The following PLG variants were observed in gnomAD, a reference collection of about 807,000 sequenced individuals.
PLG encodes the protein plasminogen, also known as plasmin.
A neutral mutation model predicts 104.4 loss-of-function variants in PLG; 41 were observed. The observed-to-expected ratio is 0.39, with a 90% CI of 0.31 to 0.51. The LOEUF is 0.51. Among genes scored for constraint, PLG ranks in the 20% least tolerant of loss-of-function variants. The pLI, the probability that PLG is intolerant of heterozygous loss-of-function variation, is 0.76. For missense variants in PLG, 891 were observed against 1,003.6 expected, an observed-to-expected ratio of 0.89 and a Z score of 1.52; for synonymous variants, 337 against 357.1, an observed-to-expected ratio of 0.94 and a Z score of 0.63.
At chr6:160,721,169 A>G (rs1347162257) in intron 9 of PLG, among the ~76,000 whole-genome samples, 1 of 152,138 alleles carries the variant, frequency 6.6e-6, no homozygotes, top group Admixed American at 6.5e-5. Context: ...GTATCACACA[A>G]TCCCAATCTG....
At chr6:160,748,161 C>T (rs1460083095) in intron 17 of PLG, among the ~76,000 whole-genome samples, 4 of 151,076 alleles carry the variant, frequency 2.6e-5, no homozygotes, top group South Asian at 4.2e-4. Context: ...AAAAATTAGC[C>T]GGGTGTGGTA....
At position 160,731,980 on chromosome 6, in the gene PLG, T is replaced by C; in HGVS notation, c.1587+87T>C. On this transcript the variant is annotated intron_variant, in intron 12 of 18. Transcript: ENST00000308192. The surrounding 1 kb of genome is among the most constrained non-coding windows in gnomAD (Gnocchi z 5.1). Reference sequence around the variant, plus strand: ...GTTCTGTGTTACAGAAAATCTGACCTGGACTGCTCTTTTTTGTAATGGGGG... The same window carrying C: ...GTTCTGTGTTACAGAAAATCTGACCCGGACTGCTCTTTTTTGTAATGGGGG... 1 of 1,364,068 alleles carries C rather than the reference T, an allele frequency of 7.3e-7. No individual in the cohort carries two copies. Among genetic ancestry groups the C allele is most frequent in the South Asian group, 1.2e-5 (1 of 85,888 alleles). The allele number at this position is 1,364,068 out of a possible 1,614,324, so 84.5% of individuals were successfully genotyped here.
chr6:160,752,168 A>G lies in PLG; in HGVS notation c.2179A>G (p.Lys727Glu), dbSNP rs759147567. ...AGCCCAGCTCCCTGTGATTGAGAAT[A>G]AAGTGTGCAATCGCTATGAGTTTCT... The part of the protein sequence containing the change: ...KEAQLPVIEN[K>E]VCNRYEFLNG... Residue 727 changes from lysine (K) to glutamate (E), a missense_variant, in exon 18 of 19, where the codon AAA becomes GAA. Physicochemically the swap from Lys to Glu is moderately conservative, Grantham distance 56. Around this residue, in one of 2 missense-constraint regions of PLG, gnomAD observed 854 missense variants for 932.1 expected, o/e 0.92. Transcript: ENST00000308192. This position sits in a 1 kb window ranked among gnomAD's most constrained non-coding sequence, Gnocchi z 4.7. The G allele has an allele frequency of 4.3e-6, 7 of 1,611,034 alleles. No homozygotes were observed. The highest frequency in any genetic ancestry group is 1.3e-5 in the African/African-American group (1 of 74,878).
In PLG at chr6:160,739,855, ATATTAT is replaced by A. The variant is rs1181291748; in HGVS notation, c.2018+655_2018+660del. Among the ~76,000 whole-genome samples the A allele has an allele frequency of 9.2e-5, 14 of 151,692 alleles. No individual in the cohort carries two copies. The highest frequency in any genetic ancestry group is 3.4e-4 in the African/African-American group (14 of 41,326). ...CAAATACAGTTTATAAATGTAAATT[ATATTAT>A]TATTATTGTCTTCTTTGATTTGATT... On this transcript the variant is annotated intron_variant, in intron 16 of 18. Coordinates refer to ENST00000308192, the MANE Select transcript of PLG (RefSeq NM_000301.5). The surrounding 1 kb of genome is among the most constrained non-coding windows in gnomAD (Gnocchi z 4.4).
intron 4 of PLG, among the ~76,000 whole-genome samples, chr6:160,712,470 A>AGTTTT (rs1226546997): frequency 6.6e-6 from 1 of 152,148 alleles, no homozygotes; most frequent in Non-Finnish European, 1.5e-5. Flanking sequence ...CACTTAGGCA[A>AGTTTT]GTTTTGTTTT....
At chr6:160,722,612 A>G (rs754728286) in intron 10 of PLG, 45 bp downstream of exon 10, 33 of 1,573,116 alleles carry the variant, frequency 2.1e-5, no homozygotes, top group Non-Finnish European at 2.9e-5. Flanking sequence ...AGCCAACTGA[A>G]ATTTCTGTTA....
rs4252168 is a variant in PLG, at chr6:160,741,038, G to C, written c.2019-273G>C. Among the ~76,000 whole-genome samples, 1 of 152,140 alleles carries C rather than the reference G, an allele frequency of 6.6e-6. No individual in the cohort carries two copies. Among genetic ancestry groups the C allele is most frequent in the African/African-American group, 2.4e-5 (1 of 41,424 alleles). ...TGCACAGAATATACATGAGAAGTGC[G>C]CCTTTGTCATCCCTACTTTCAAAGG... is the stretch of plus-strand genomic sequence containing the variant. On this transcript the variant is annotated intron_variant, in intron 16 of 18. Coordinates refer to ENST00000308192, the MANE Select transcript of PLG (RefSeq NM_000301.5). The surrounding 1 kb of genome is among the most constrained non-coding windows in gnomAD (Gnocchi z 4.7).
chr6:160,738,692 T>C lies in PLG; in HGVS notation c.1877+80T>C. On this transcript the variant is annotated intron_variant, in intron 15 of 18. Coordinates refer to ENST00000308192, the MANE Select transcript of PLG (RefSeq NM_000301.5). The surrounding 1 kb of genome is among the most constrained non-coding windows in gnomAD (Gnocchi z 6.8). ...TTCTTTTCCTCCTTTCCTCCTTTCC[T>C]TTCTCACTCTTCCTCCCTTCCTTCT... is the stretch of plus-strand genomic sequence containing the variant. 1 of 962,314 alleles carries C rather than the reference T, an allele frequency of 1.0e-6. No individual in the cohort carries two copies. Among genetic ancestry groups the C allele is most frequent in the Non-Finnish European group, 1.7e-6 (1 of 587,788 alleles). 59.6% of individuals were successfully genotyped at this position (962,314 alleles called of 1,614,324 possible).
In PLG at chr6:160,716,326, G is replaced by T. The variant is rs944469033; in HGVS notation, c.669-319G>T. 1.1e-4 allele frequency among the ~76,000 whole-genome samples: 17 copies of T among 152,190 alleles called. 1 individual carries two copies. The highest frequency in any genetic ancestry group is 7.8e-4 in the Admixed American group (12 of 15,288). ...AAAACAGTGCTTGGCAGCCGGGCAT[G>T]GTGGCACATGCCTGTAGTCCTAGTT... On this transcript the variant is annotated intron_variant, in intron 6 of 18. Transcript: ENST00000308192.
chr6:160,718,873 A>G (rs1405048812), intron 9 of PLG, 35 bp downstream of exon 9: 1 of 1,594,742 alleles, frequency 6.3e-7, no homozygotes, highest in East Asian at 2.2e-5. Flanking sequence ...TGAGGGCCCA[A>G]GTTTTCTCCT....
intron 9 of PLG, among the ~76,000 whole-genome samples, chr6:160,720,410 CTTT>C (rs3057066): frequency 1.7e-5 from 1 of 58,528 alleles, no homozygotes; most frequent in African/African-American, 7.7e-5. Context: ...CTTTTCTTTT[CTTT>C]TTTTTTTTTT....
At chr6:160,728,234 C>A (rs182122535) in intron 10 of PLG, among the ~76,000 whole-genome samples, 1 of 152,100 alleles carries the variant, frequency 6.6e-6, no homozygotes, top group Non-Finnish European at 1.5e-5. Context: ...TTTAGTGATA[C>A]ATTTAACACA....
chr6:160,749,660 CACCATCATCACCATA>C (rs1215769937), intron 17 of PLG, among the ~76,000 whole-genome samples: 2,939 of 142,970 alleles, frequency 0.021, 109 homozygotes, highest in African/African-American at 0.083. Context: ...CCACCATCAC[CACCATCATCACCATA>C]ACCATCATCA....
In PLG at chr6:160,716,679, C is replaced by T. The variant is rs976246020; in HGVS notation, c.703C>T (p.Arg235Cys). Reference sequence around the variant, plus strand: ...CAAGAACCTGAAGAAGAATTACTGTCGTAACCCCGATAGGGAGCTGCGGCC... The same window carrying T: ...CAAGAACCTGAAGAAGAATTACTGTTGTAACCCCGATAGGGAGCTGCGGCC... Reference protein sequence around the residue: ...PNKNLKKNYCRNPDRELRPWC... With the variant: ...PNKNLKKNYCCNPDRELRPWC... The change falls in exon 7 of 19, where the codon CGT becomes TGT. Residue 235 changes from arginine to cysteine, a missense_variant. Transcript: ENST00000308192. The T allele has an allele frequency of 1.2e-6, 2 of 1,612,774 alleles. No homozygotes were observed. Among genetic ancestry groups the T allele is most frequent in the Non-Finnish European group, 1.7e-6 (2 of 1,178,726 alleles).
At position 160,736,458 on chromosome 6, in the gene PLG, T is replaced by C. The variant is rs1195448341; in HGVS notation, c.1682-429T>C. Among the ~76,000 whole-genome samples the C allele has an allele frequency of 1.3e-5, 2 of 152,184 alleles. No individual in the cohort carries two copies. Among genetic ancestry groups the C allele is most frequent in the African/African-American group, 2.4e-5 (1 of 41,462 alleles). On this transcript the variant is annotated intron_variant, in intron 13 of 18. Coordinates refer to ENST00000308192, the MANE Select transcript of PLG (RefSeq NM_000301.5). This position sits in a 1 kb window ranked among gnomAD's most constrained non-coding sequence, Gnocchi z 5.2. ...AAACCTTTGTGCCTTTCAGCAGTGA[T>C]GACAATTATGGTTTTCAGTAAACTT...
rs543144702 is a variant in PLG at position 160,729,221 on chromosome 6, G to A, written c.1257-1830G>A. On this transcript the variant is annotated intron_variant, in intron 10 of 18. Transcript: ENST00000308192. The stretch of plus-strand genomic sequence containing the variant: ...ACAAGATGTCACCAACACTTAATGG[G>A]CATGGGTATCATTAAGAAGACACAA... Among the ~76,000 whole-genome samples the A allele has an allele frequency of 1.6e-4, 25 of 152,280 alleles. No homozygotes were observed. In the South Asian group the frequency reaches 2.1e-3, roughly 13 times the overall value.
Position 160,738,601 on chromosome 6 carries a change from C to A in PLG, c.1866C>A (p.His622Gln). 6.2e-7 allele frequency: 1 copy of A among 1,604,430 alleles called. No individual in the cohort carries two copies. ...CAGAGTGGGTGTTGACTGCTGCCCA[C>A]TGCTTGGAGAAGTATGTTTAGGGGA... is the stretch of plus-strand genomic sequence containing the variant. ...ISPEWVLTAA[H>Q]CLEKSPRPSS... Residue 622 changes from histidine to glutamine, a missense_variant, in exon 15 of 19, where the codon CAC becomes CAA. By Grantham distance (24) the His-to-Gln change is conservative. This residue lies in a region of PLG where 854 missense variants were observed against 932.1 expected (regional missense o/e 0.92). Transcript: ENST00000308192. The surrounding 1 kb of genome is among the most constrained non-coding windows in gnomAD (Gnocchi z 6.8).
At chr6:160,711,894 G>A (rs2115156987) in intron 4 of PLG, 1 of 1,373,874 alleles carries the variant, frequency 7.3e-7, no homozygotes, top group South Asian at 1.7e-5. Flanking sequence ...TTCAAATGTT[G>A]CAACTTGCCT....
At chr6:160,730,427 C>T (rs1240352681) in intron 10 of PLG, among the ~76,000 whole-genome samples, 1 of 152,230 alleles carries the variant, frequency 6.6e-6, no homozygotes, top group African/African-American at 2.4e-5. Flanking sequence ...TTTGATACGT[C>T]TTGCAGAAAC....
Sources: allele counts gnomAD v4.1 joint callset (sites outside exome capture counted in the v4.1 genomes callset), GRCh38; gene constraint gnomAD v4.1.1; regional missense constraint gnomAD v4.1.1; non-coding constraint Gnocchi (gnomAD v3.1); transcripts MANE v1.5; gene names NCBI Gene and HGNC (gene_info 2026-07-23, HGNC 2026-07-21).